The following DNAAF8 variants were observed in gnomAD, a reference collection of about 807,000 sequenced individuals.
DNAAF8 encodes the protein dynein axonemal-associated protein 1.
Under a neutral mutation model 54.6 loss-of-function variants are expected in DNAAF8, and 61 were observed. The observed-to-expected ratio is 1.12, with a 90% CI of 0.91 to 1.38. The LOEUF is 1.38. Among genes scored for constraint, DNAAF8 ranks in the 40% most tolerant of loss-of-function variants. DNAAF8 has a pLI of 0.00. For missense variants in DNAAF8, 837 were observed against 665.0 expected (o/e 1.26, Z -2.85); for synonymous variants, 320 against 270.1 (o/e 1.18, Z -1.81).
chr16:4,737,809 G>A lies in DNAAF8; in HGVS notation c.139G>A (p.Gly47Arg), dbSNP rs754358461. The A allele has an allele frequency of 1.9e-6, 3 of 1,614,026 alleles. No homozygotes were observed. Among genetic ancestry groups the A allele is most frequent in the East Asian group, 2.2e-5 (1 of 44,880 alleles). The change falls in exon 3 of 10, where the codon GGG (glycine) becomes AGG (arginine). Residue 47 changes from glycine to arginine, a missense_variant. Transcript: ENST00000299320. ...TCTCATTTGTCCACAGTCGGACTATGGGGAAGAGGAGCTGTTCATCTTCCA... is the reference window on the plus strand; with the variant it reads ...TCTCATTTGTCCACAGTCGGACTATAGGGAAGAGGAGCTGTTCATCTTCCA... ...LDSDSPLSDY[G>R]EEELFIFQRN...
chr16:4,736,202 C>T (rs1256848976), intron 1 of DNAAF8, among the ~76,000 whole-genome samples: 1 of 151,934 alleles, frequency 6.6e-6, no homozygotes, highest in African/African-American at 2.4e-5. Context: ...TATATCAATA[C>T]ATATATTTGT....
At chr16:4,736,670 C>G in intron 2 of DNAAF8, 27 bp downstream of exon 2, 1 of 1,526,324 alleles carries the variant, frequency 6.6e-7, no homozygotes. Context: ...TCCCTGGATG[C>G]CTTGTCCTTC....
intron 3 of DNAAF8, among the ~76,000 whole-genome samples, chr16:4,738,967 C>G (rs1326700132): frequency 1.3e-5 from 2 of 152,106 alleles, no homozygotes; most frequent in East Asian, 3.8e-4. Context: ...CTAGCTCCAG[C>G]GTAACTTCTC....
At position 4,746,640 on chromosome 16, in the gene DNAAF8, T is replaced by C. The variant is rs1596487992; in HGVS notation, c.1181+128T>C. The C allele has an allele frequency of 4.7e-6, 6 of 1,282,304 alleles. No individual in the cohort carries two copies. The East Asian group carries it at 1.2e-4, about 27-fold the overall frequency. The allele number at this position is 1,282,304 out of a possible 1,614,324, so 79.4% of individuals were successfully genotyped here. On this transcript the variant is annotated intron_variant, in intron 7 of 9. Coordinates refer to ENST00000299320, the MANE Select transcript of DNAAF8 (RefSeq NM_139170.3). ...TCAAAAGGCTTGGATCAATTCTCAA[T>C]TGAAAAGTGCTGGCCTACAGTCCCC...
rs558793296 is a variant in DNAAF8 at position 4,747,635 on chromosome 16, G to A, written c.*9+1G>A. ...TCTGGAGCAACTATAGCTGCCTCAG[G>A]TAGTGGGATCCCAGGAGTGGGCAGG... On this transcript the variant is annotated splice_donor_variant, in intron 9 of 9. Transcript: ENST00000299320. LOFTEE classifies it low-confidence loss of function (3UTR_SPLICE). 6.7e-5 allele frequency: 107 copies of A among 1,596,072 alleles called. No individual in the cohort carries two copies. In the South Asian group the frequency reaches 1.1e-3, roughly 16 times the overall value.
intron 2 of DNAAF8, among the ~76,000 whole-genome samples, chr16:4,737,298 G>A (rs923684970): frequency 3.3e-5 from 5 of 152,174 alleles, no homozygotes; most frequent in South Asian, 2.1e-4. Flanking sequence ...AGTGCATGAC[G>A]AGGCTAAGGA....
intron 1 of DNAAF8, among the ~76,000 whole-genome samples, chr16:4,736,066 C>T (rs2081893172): frequency 6.6e-6 from 1 of 152,044 alleles, no homozygotes; most frequent in Admixed American, 6.6e-5. Flanking sequence ...ACTAAACACC[C>T]TGAGCCTATG....
Position 4,740,104 on chromosome 16 carries a change from G to A in DNAAF8, c.277-49G>A, listed in dbSNP as rs1252847365. ...TATTTTTCTATGAAAAACATTCCCT[G>A]AAGCATGTTTTTGAGGATGCTAACT... On this transcript the variant is annotated intron_variant, in intron 3 of 9. Transcript: ENST00000299320. 7 of 1,501,190 alleles carry A rather than the reference G, an allele frequency of 4.7e-6. No homozygotes were observed. The Admixed American group carries it at 1.6e-4, about 34-fold the overall frequency. 93.0% of individuals were successfully genotyped at this position (1,501,190 alleles called of 1,614,324 possible).
chr16:4,741,344 T>G (rs958843440), intron 4 of DNAAF8, among the ~76,000 whole-genome samples: 1 of 152,010 alleles, frequency 6.6e-6, no homozygotes, highest in African/African-American at 2.4e-5. Context: ...TAAATACATA[T>G]AGCCATATCT....
Position 4,747,421 on chromosome 16 carries a change from C to G in DNAAF8, c.1359C>G (p.Ala453=), listed in dbSNP as rs2082032149. 6.2e-7 allele frequency: 1 copy of G among 1,612,900 alleles called. No homozygotes were observed. The highest frequency in any genetic ancestry group is 1.3e-5 in the African/African-American group (1 of 74,950). ...QKGTAQPELP[A]SKGPAGGRAQ... ...GGACAGCCCAGCCCGAGCTGCCTGC[C>G]AGCAAGGGGCCCGCGGGTGGGAGGG... is the stretch of plus-strand genomic sequence containing the variant. Residue 453 remains alanine (A), a synonymous_variant, in exon 9 of 10, where the codon GCC becomes GCG. Transcript: ENST00000299320.
chr16:4,737,947 G>T lies in DNAAF8; in HGVS notation c.276+1G>T. ...TGCAGCTGAAGAGTCCCTTCCCGAG[G>T]TCTGTGGGACACAGAAGAGTATACG... On this transcript the variant is annotated splice_donor_variant, in intron 3 of 9. Coordinates refer to ENST00000299320, the MANE Select transcript of DNAAF8 (RefSeq NM_139170.3). LOFTEE classifies it high-confidence loss of function. The T allele has an allele frequency of 1.2e-6, 2 of 1,614,112 alleles. No individual in the cohort carries two copies. Among genetic ancestry groups the T allele is most frequent in the Non-Finnish European group, 1.7e-6 (2 of 1,179,968 alleles).
In DNAAF8 at chr16:4,744,951, G is replaced by T; in HGVS notation, c.983G>T (p.Cys328Phe). The T allele has an allele frequency of 1.9e-6, 3 of 1,613,968 alleles. No individual in the cohort carries two copies. Among genetic ancestry groups the T allele is most frequent in the Non-Finnish European group, 1.7e-6 (2 of 1,180,006 alleles). Residue 328 changes from cysteine to phenylalanine, a missense_variant, in exon 6 of 10, where the codon TGT becomes TTT. Cys to Phe is a radical substitution (Grantham distance 205). Transcript: ENST00000299320. ...ACCACGCAGTCCAAGGCCTCTGCTTGTGCCCGGAAGGTGCCTGCCGACACT... is the reference window on the plus strand; with the variant it reads ...ACCACGCAGTCCAAGGCCTCTGCTTTTGCCCGGAAGGTGCCTGCCGACACT... ...LCTTQSKASA[C>F]ARKVPADTPQ... is the part of the protein sequence containing the mutation.
At position 4,747,394 on chromosome 16, in the gene DNAAF8, G is replaced by A. The variant is rs1346062069; in HGVS notation, c.1332G>A (p.Lys444=). 3 of 1,610,568 alleles carry A rather than the reference G, an allele frequency of 1.9e-6. No homozygotes were observed. The highest frequency in any genetic ancestry group is 2.5e-6 in the Non-Finnish European group (3 of 1,178,300). The change falls in exon 9 of 10, where the codon AAG becomes AAA. Residue 444 remains lysine, a synonymous_variant. Transcript: ENST00000299320. ...QLLQQLRAFQ[K]GTAQPELPAS... ...TCCAGCAGCTCAGGGCCTTTCAGAA[G>A]GGGACAGCCCAGCCCGAGCTGCCTG... is the stretch of plus-strand genomic sequence containing the variant.
chr16:4,736,983 C>G (rs1235710665), intron 2 of DNAAF8, among the ~76,000 whole-genome samples: 2 of 152,134 alleles, frequency 1.3e-5, no homozygotes, highest in Non-Finnish European at 2.9e-5. Context: ...ATTCTCCACT[C>G]TCTCGTGCCA....
chr16:4,739,515 T>G (rs1407284947), intron 3 of DNAAF8, among the ~76,000 whole-genome samples: 1 of 151,776 alleles, frequency 6.6e-6, no homozygotes, highest in Non-Finnish European at 1.5e-5. Context: ...GGTGCTGTCT[T>G]TAGCCAGCCC....
intron 7 of DNAAF8, 133 bp downstream of exon 7, chr16:4,746,645 A>G: frequency 8.0e-7 from 1 of 1,250,984 alleles, no homozygotes; most frequent in South Asian, 1.5e-5. Context: ...CTCAATTGAA[A>G]AGTGCTGGCC....
chr16:4,745,539 G>A (rs741693), intron 6 of DNAAF8, among the ~76,000 whole-genome samples: 6,772 of 152,298 alleles, frequency 0.044, 502 homozygotes, highest in African/African-American at 0.16. Flanking sequence ...CCCTCTATAT[G>A]CCTGCCCTCC....
intron 5 of DNAAF8, chr16:4,743,568 A>ATAC: frequency 6.2e-6 from 1 of 160,388 alleles, no homozygotes; most frequent in Non-Finnish European, 1.4e-5. Flanking sequence ...TTAAAAAGGG[A>ATAC]GGCAAAGGAT....
chr16:4,744,904 G>A lies in DNAAF8; in HGVS notation c.936G>A (p.Met312Ile), dbSNP rs762400175. ...RMVPSAHNRL[M>I]EQLALLCTTQ... ...TGCCGAGCGCCCACAACAGGCTCAT[G>A]GAACAGCTGGCCCTCCTGTGCACCA... is the stretch of plus-strand genomic sequence containing the variant. The change falls in exon 6 of 10, where the codon ATG (methionine) becomes ATA (isoleucine). Residue 312 changes from methionine (M) to isoleucine (I), a missense_variant. Physicochemically the swap from Met to Ile is conservative, Grantham distance 10. Coordinates refer to ENST00000299320, the MANE Select transcript of DNAAF8 (RefSeq NM_139170.3). 2.5e-6 allele frequency: 4 copies of A among 1,613,706 alleles called. No individual in the cohort carries two copies. Among genetic ancestry groups the A allele is most frequent in the Admixed American group, 1.7e-5 (1 of 60,008 alleles).
Sources: gnomAD v4.1 joint callset for allele counts (sites outside exome capture counted in the v4.1 genomes callset) on GRCh38, gnomAD v4.1.1 for gene constraint, MANE v1.5 for transcripts, NCBI Gene and HGNC (gene_info 2026-07-23, HGNC 2026-07-21) for gene names.